The following CCDC93 variants were observed in gnomAD, a reference collection of about 807,000 sequenced individuals.
CCDC93 encodes CCC complex scaffolding subunit CCDC93.
Under a neutral mutation model 108.2 loss-of-function variants are expected in CCDC93, and 61 were observed. The ratio of observed to expected loss-of-function variants is 0.56; its 90% CI spans 0.46 to 0.70. The LOEUF is 0.70. Among genes scored for constraint, CCDC93 ranks in the 30% least tolerant of loss-of-function variants. The probability of loss-of-function intolerance (pLI) is 0.00; values close to 1 mark genes in which losing one functional copy is unlikely to be tolerated. For synonymous variants in CCDC93, 276 were observed against 260.4 expected, an observed-to-expected ratio of 1.06 and a Z score of -0.58; for missense variants, 685 against 764.2, an observed-to-expected ratio of 0.90 and a Z score of 1.22.
intron 9 of CCDC93, 35 bp from the exon 10 acceptor site, chr2:117,974,935 G>C: frequency 6.5e-7 from 1 of 1,536,146 alleles, no homozygotes; most frequent in Non-Finnish European, 8.8e-7. Flanking sequence ...GCAGTGAGTG[G>C]TTCTGAACAT....
chr2:117,920,418 TAGAG>T (rs781553440), intron 23 of CCDC93, 22 bp from the exon 24 acceptor site: 21 of 1,592,610 alleles, frequency 1.3e-5, no homozygotes, highest in Non-Finnish European at 1.7e-5. Flanking sequence ...GCAGAGAGTA[TAGAG>T]AGAGTGGTGA....
chr2:117,956,532 CATA>C lies in CCDC93; in HGVS notation c.1005+1830_1005+1832del, dbSNP rs1386388026. Among the ~76,000 whole-genome samples, 8 of 152,260 alleles carry C rather than the reference CATA, an allele frequency of 5.3e-5. No homozygotes were observed. The East Asian group carries it at 9.7e-4, about 18-fold the overall frequency. ...TATCTTCCCTCAGAGATAAAGACAC[CATA>C]ATAAGGAAGACTCATCCTTGTCTCC... On this transcript the variant is annotated intron_variant, in intron 12 of 23. Coordinates refer to ENST00000376300, the MANE Select transcript of CCDC93 (RefSeq NM_019044.5).
chr2:117,937,439 G>A (rs1558772327), intron 20 of CCDC93, among the ~76,000 whole-genome samples: 1 of 152,178 alleles, frequency 6.6e-6, no homozygotes, highest in Non-Finnish European at 1.5e-5. Context: ...AGTCAGCAAT[G>A]TAGAATATTT....
chr2:117,963,922 A>G (rs920255386), intron 11 of CCDC93, among the ~76,000 whole-genome samples: 3 of 152,232 alleles, frequency 2.0e-5, no homozygotes, highest in African/African-American at 4.8e-5. Context: ...TCTGAAATGT[A>G]TAAGTTGTGC....
chr2:117,976,019 C>A (rs1040435807), intron 8 of CCDC93, among the ~76,000 whole-genome samples: 5 of 152,182 alleles, frequency 3.3e-5, no homozygotes, highest in African/African-American at 1.2e-4. Context: ...TGGGTGACCT[C>A]AGGCTTACCT....
chr2:117,922,759 G>A (rs1275163380), intron 23 of CCDC93, among the ~76,000 whole-genome samples: 1 of 152,128 alleles, frequency 6.6e-6, no homozygotes, highest in Non-Finnish European at 1.5e-5. Context: ...AAAATAGAGG[G>A]TGCTGGAGAA....
At chr2:117,970,868 T>C (rs979457351) in intron 11 of CCDC93, among the ~76,000 whole-genome samples, 1 of 152,182 alleles carries the variant, frequency 6.6e-6, no homozygotes, top group African/African-American at 2.4e-5. Flanking sequence ...TTCACAACTG[T>C]TAGTATTTTA....
Position 117,917,563 on chromosome 2 carries a change from T to A in CCDC93, c.*2780A>T, listed in dbSNP as rs552453555. On this transcript the variant is annotated 3_prime_UTR_variant, in exon 24 of 24. Coordinates refer to ENST00000376300, the MANE Select transcript of CCDC93 (RefSeq NM_019044.5). ...TGAACTTCGGACTCTAACAGAGATA[T>A]GCTTGACAAACTGGGAATTTGCCCT... The A allele has an allele frequency of 6.6e-6, 1 of 152,362 alleles. No homozygotes were observed. The highest frequency in any genetic ancestry group is 2.4e-5 in the African/African-American group (1 of 41,442). The allele number at this position is 152,362 out of a possible 1,614,324, so 9.4% of individuals were successfully genotyped here.
chr2:117,965,023 T>C (rs980080608), intron 11 of CCDC93, among the ~76,000 whole-genome samples: 3 of 152,158 alleles, frequency 2.0e-5, no homozygotes, highest in African/African-American at 4.8e-5. Context: ...AAATGAAATA[T>C]TGGCCCTCTA....
intron 4 of CCDC93, chr2:117,998,630 A>G (rs1378165752): frequency 6.6e-6 from 1 of 152,166 alleles, no homozygotes; most frequent in African/African-American, 2.4e-5. Flanking sequence ...TTCCACTCAC[A>G]ATGGAGAACA....
Position 117,952,398 on chromosome 2 carries a change from T to A in CCDC93, c.1043A>T (p.Asn348Ile). The A allele has an allele frequency of 2.5e-6, 4 of 1,613,420 alleles. No individual in the cohort carries two copies. The highest frequency in any genetic ancestry group is 3.4e-6 in the Non-Finnish European group (4 of 1,179,316). The change falls in exon 13 of 24, where the codon AAT (asparagine) becomes ATT (isoleucine). Residue 348 changes from asparagine to isoleucine, a missense_variant. Physicochemically the swap from Asn to Ile is moderately radical, Grantham distance 149. Coordinates refer to ENST00000376300, the MANE Select transcript of CCDC93 (RefSeq NM_019044.5). ...CTCTGTCAGCGTTTTCTTGGCTTCA[T>A]TATATCTGGCTTGTAGGCTGGTGTG... ...ASHTSLQARY[N>I]EAKKTLTELK... is the part of the protein sequence containing the mutation.
chr2:117,986,045 A>G lies in CCDC93; in HGVS notation c.544T>C (p.Tyr182His), dbSNP rs547383441. Reference protein sequence around the residue: ...LSEVYKPRRKYKRHQGAEELL... With the variant: ...LSEVYKPRRKHKRHQGAEELL... ...TCCTCTGCTCCCTGGTGGCGTTTGTATTTCCGACGGGGCTTGTACACTTCC... is the reference window on the plus strand; with the variant it reads ...TCCTCTGCTCCCTGGTGGCGTTTGTGTTTCCGACGGGGCTTGTACACTTCC... The change falls in exon 7 of 24, where the codon TAC (tyrosine) becomes CAC (histidine). Residue 182 changes from tyrosine (Y) to histidine (H), a missense_variant. Tyr to His is a moderately conservative substitution (Grantham distance 83, BLOSUM62 2). Coordinates refer to ENST00000376300, the MANE Select transcript of CCDC93 (RefSeq NM_019044.5). 116 of 1,609,850 alleles carry G rather than the reference A, an allele frequency of 7.2e-5. 1 individual carries two copies. The South Asian group carries it at 1.2e-3, about 16-fold the overall frequency.
At chr2:118,006,948 G>T in intron 2 of CCDC93, 132 bp from the exon 3 acceptor site, 2 of 630,004 alleles carry the variant, frequency 3.2e-6, no homozygotes, top group Non-Finnish European at 5.7e-6. Flanking sequence ...TTGAGAGAGA[G>T]AGTGTGTGTC....
intron 7 of CCDC93, among the ~76,000 whole-genome samples, chr2:117,984,748 C>T (rs1000928860): frequency 2.6e-5 from 4 of 152,166 alleles, no homozygotes; most frequent in African/African-American, 4.8e-5. Flanking sequence ...GAGATTGTCT[C>T]TCCAGCTCTG....
intron 12 of CCDC93, among the ~76,000 whole-genome samples, chr2:117,953,926 C>T (rs1294345238): frequency 6.6e-6 from 1 of 152,004 alleles, no homozygotes; most frequent in African/African-American, 2.4e-5. Context: ...CTTGAGTGGG[C>T]TCCCTTGCCT....
chr2:117,952,526 A>T (rs1470612907), intron 12 of CCDC93, 91 bp from the exon 13 acceptor site: 3 of 991,736 alleles, frequency 3.0e-6, no homozygotes, highest in Non-Finnish European at 4.8e-6. Context: ...GAAAGCTCAG[A>T]AAGATTTAAA....
At chr2:117,949,549 G>A (rs1182805266) in intron 13 of CCDC93, 154 bp from the exon 14 acceptor site, 1 of 225,292 alleles carries the variant, frequency 4.4e-6, no homozygotes, top group Non-Finnish European at 7.4e-6. Flanking sequence ...TCATACAACA[G>A]AATACTAAGC....
chr2:118,006,820 C>G lies in CCDC93; in HGVS notation c.157-4G>C, dbSNP rs1676883899. 1.5e-5 allele frequency: 23 copies of G among 1,565,722 alleles called. No individual in the cohort carries two copies. The highest frequency in any genetic ancestry group is 1.9e-5 in the Non-Finnish European group (22 of 1,137,224). ...ACCAAGTCATTCCTCCTACTACCTG[C>G]AAGACATAAAGAAAATATTTGTTTT... On this transcript the variant is annotated splice_polypyrimidine_tract_variant and splice_region_variant and intron_variant, in intron 2 of 23. Transcript: ENST00000376300.
intron 5 of CCDC93, 44 bp downstream of exon 5, chr2:117,996,220 C>T: frequency 1.5e-6 from 2 of 1,329,302 alleles, no homozygotes; most frequent in Non-Finnish European, 1.1e-6. Flanking sequence ...TAAGTGTGCA[C>T]TCTGTTTCTC....
Sources: gnomAD v4.1 joint callset for allele counts (sites outside exome capture counted in the v4.1 genomes callset) on GRCh38, gnomAD v4.1.1 for gene constraint, MANE v1.5 for transcripts, NCBI Gene and HGNC (gene_info 2026-07-23, HGNC 2026-07-21) for gene names.